Variants in SPMIP2 observed in about 807,000 individuals in gnomAD.
SPMIP2 encodes sperm microtubule inner protein 2, also known as protein SPMIP2.
the SPMIP2 span, among the ~76,000 whole-genome samples, chr4:159,044,834 A>C: frequency 2.0e-5 from 3 of 152,216 alleles, no homozygotes; most frequent in Admixed American, 6.5e-5. Flanking sequence ...GCTCACGCCT[A>C]TGATCCCAGC....
At chr4:158,923,762 T>C in the SPMIP2 span, among the ~76,000 whole-genome samples, 2 of 152,242 alleles carry the variant, frequency 1.3e-5, no homozygotes, top group Admixed American at 6.5e-5. Flanking sequence ...ATAGACATAG[T>C]GAGAACTGAC....
the SPMIP2 span, among the ~76,000 whole-genome samples, chr4:158,976,950 G>A: frequency 6.6e-5 from 10 of 151,940 alleles, no homozygotes; most frequent in African/African-American, 1.7e-4. Flanking sequence ...ATGAGCCACC[G>A]CACCTAGCCA....
the SPMIP2 span, among the ~76,000 whole-genome samples, chr4:159,047,944 G>T: frequency 6.6e-6 from 1 of 152,242 alleles, no homozygotes; most frequent in Non-Finnish European, 1.5e-5. Context: ...AGAATGGCAT[G>T]TAATAGAGAA....
At chr4:158,930,191 G>GACTCTC in the SPMIP2 span, among the ~76,000 whole-genome samples, 1 of 144,144 alleles carries the variant, frequency 6.9e-6, no homozygotes, top group Non-Finnish European at 1.5e-5. Context: ...GAGGATCTCA[G>GACTCTC]TCTCTCTCTC....
At chr4:158,999,922 C>T in the SPMIP2 span, among the ~76,000 whole-genome samples, 1 of 152,032 alleles carries the variant, frequency 6.6e-6, no homozygotes, top group Non-Finnish European at 1.5e-5. Flanking sequence ...AGCACTTGAA[C>T]AGGGAAAAAT....
chr4:159,007,978 T>G, the SPMIP2 span: 1,130 of 366,982 alleles, frequency 3.1e-3, 9 homozygotes, highest in Middle Eastern at 0.012. Flanking sequence ...GGCATGCGCC[T>G]GTAGTCCCAG....
chr4:159,068,499 G>A, the SPMIP2 span, among the ~76,000 whole-genome samples: 6 of 148,518 alleles, frequency 4.0e-5, no homozygotes, highest in African/African-American at 1.2e-4. Flanking sequence ...ATCACACACC[G>A]GGGACTGTTG....
chr4:159,058,386 A>G, the SPMIP2 span, among the ~76,000 whole-genome samples: 1 of 152,114 alleles, frequency 6.6e-6, no homozygotes, highest in African/African-American at 2.4e-5. Flanking sequence ...TTTTGGTTAT[A>G]TATTGTTTTG....
At chr4:158,927,031 G>A in the SPMIP2 span, among the ~76,000 whole-genome samples, 1 of 152,154 alleles carries the variant, frequency 6.6e-6, no homozygotes, top group African/African-American at 2.4e-5. Context: ...TGTGAGTGGG[G>A]TATTTAATTG....
At chr4:158,959,918 G>GT in the SPMIP2 span, among the ~76,000 whole-genome samples, 2 of 152,064 alleles carry the variant, frequency 1.3e-5, no homozygotes, top group African/African-American at 4.8e-5. Flanking sequence ...CATGAAATGA[G>GT]TTTTTTAATC....
chr4:159,005,744 T>C, the SPMIP2 span, among the ~76,000 whole-genome samples: 2 of 152,238 alleles, frequency 1.3e-5, no homozygotes, highest in Non-Finnish European at 2.9e-5. Context: ...AAACAAAGTA[T>C]ATTATTAAAG....
chr4:158,936,489 T>C, the SPMIP2 span, among the ~76,000 whole-genome samples: 1 of 152,370 alleles, frequency 6.6e-6, no homozygotes, highest in South Asian at 2.1e-4. Flanking sequence ...CAAGCTGGTT[T>C]CCTTCAATGT....
the SPMIP2 span, among the ~76,000 whole-genome samples, chr4:158,944,082 C>T: frequency 6.6e-6 from 1 of 152,014 alleles, no homozygotes; most frequent in Non-Finnish European, 1.5e-5. Context: ...TCTCAATCCC[C>T]TGACCTTGTG....
chr4:159,053,236 G>T, the SPMIP2 span, among the ~76,000 whole-genome samples: 1 of 152,088 alleles, frequency 6.6e-6, no homozygotes, highest in Non-Finnish European at 1.5e-5. Context: ...GATTACAGGC[G>T]TGAGCCACCG....
the SPMIP2 span, among the ~76,000 whole-genome samples, chr4:158,895,203 AAG>A: frequency 9.2e-5 from 14 of 152,222 alleles, no homozygotes; most frequent in African/African-American, 3.1e-4. Context: ...TTGAAAGCAA[AAG>A]AAAAAAAAGT....
At chr4:159,046,332 G>T in the SPMIP2 span, among the ~76,000 whole-genome samples, 1 of 152,054 alleles carries the variant, frequency 6.6e-6, no homozygotes, top group South Asian at 2.1e-4. Flanking sequence ...TCTTACAGGT[G>T]CCATTTCATC....
the SPMIP2 span, among the ~76,000 whole-genome samples, chr4:158,964,637 A>G: frequency 1.3e-5 from 2 of 152,358 alleles, no homozygotes; most frequent in South Asian, 4.1e-4. Flanking sequence ...ATTTTAGCTT[A>G]AAAGCCACAT....
At chr4:159,047,251 A>G in the SPMIP2 span, among the ~76,000 whole-genome samples, 2 of 152,234 alleles carry the variant, frequency 1.3e-5, no homozygotes, top group East Asian at 3.8e-4. Flanking sequence ...TGAATAATCA[A>G]CTTCTAAATA....
At chr4:158,990,274 T>C in the SPMIP2 span, among the ~76,000 whole-genome samples, 1 of 152,188 alleles carries the variant, frequency 6.6e-6, no homozygotes, top group African/African-American at 2.4e-5. Flanking sequence ...TTTACACTGT[T>C]GGTGGGAGTG....
Sources: allele counts gnomAD v4.1 joint callset (sites outside exome capture counted in the v4.1 genomes callset), GRCh38; gene constraint gnomAD v4.1.1; transcripts MANE v1.5; gene names NCBI Gene and HGNC (gene_info 2026-07-23, HGNC 2026-07-21).